ITGA1: variants seen among roughly 807,000 people sequenced by gnomAD.
The protein encoded by ITGA1 is integrin subunit alpha 1.
In ITGA1, 85 loss-of-function variants were observed where a neutral mutation model predicts 145.9. The ratio of observed to expected loss-of-function variants is 0.58; its 90% confidence interval spans 0.49 to 0.70. The LOEUF is 0.70. ITGA1 is among the 30% of genes least tolerant of loss of function. The pLI is 0.00. For synonymous variants in ITGA1, 520 were observed against 495.3 expected, an observed-to-expected ratio of 1.05 and a Z score of -0.66; for missense variants, 1,351 against 1,418.7, an observed-to-expected ratio of 0.95 and a Z score of 0.77.
At chr5:52,834,778 A>T (rs1052540400) in intron 1 of ITGA1, among the ~76,000 whole-genome samples, 3 of 152,106 alleles carry the variant, frequency 2.0e-5, no homozygotes, top group African/African-American at 7.2e-5. Context: ...CAATGGTCCT[A>T]TCAGATTAGG....
chr5:52,794,510 C>T (rs1748302320), intron 1 of ITGA1, among the ~76,000 whole-genome samples: 1 of 150,348 alleles, frequency 6.7e-6, no homozygotes, highest in African/African-American at 2.4e-5. Context: ...TACACACACA[C>T]ACACACACAC....
At chr5:52,804,903 G>A (rs986278818) in intron 1 of ITGA1, among the ~76,000 whole-genome samples, 11 of 152,240 alleles carry the variant, frequency 7.2e-5, no homozygotes, top group African/African-American at 2.6e-4. Context: ...TTTGCTTAGA[G>A]CCAGAACTTA....
chr5:52,827,177 A>G (rs1748982756), intron 1 of ITGA1, among the ~76,000 whole-genome samples: 1 of 150,862 alleles, frequency 6.6e-6, no homozygotes, highest in Non-Finnish European at 1.5e-5. Flanking sequence ...TCCAACCCTC[A>G]TGGATGACTT....
At position 52,831,633 on chromosome 5, in the gene ITGA1, T is replaced by TA. The variant is rs1347609050; in HGVS notation, c.62-17730dup. Among the ~76,000 whole-genome samples the TA allele has an allele frequency of 3.9e-3, 591 of 151,218 alleles. 3 individuals carry two copies. The highest frequency in any genetic ancestry group is 0.014 in the African/African-American group (562 of 41,276). ...CTAAGAATTTTTTCTTTTTTTTTTTTAACCTTAAAGATTAGTTAATTTAAT... is the reference window on the plus strand; with the variant it reads ...CTAAGAATTTTTTCTTTTTTTTTTTTAAACCTTAAAGATTAGTTAATTTAAT... On this transcript the variant is annotated intron_variant, in intron 1 of 28. Coordinates refer to ENST00000282588, the MANE Select transcript of ITGA1 (RefSeq NM_181501.2).
chr5:52,876,877 A>C (rs1449868555), intron 6 of ITGA1, among the ~76,000 whole-genome samples: 1 of 152,164 alleles, frequency 6.6e-6, no homozygotes, highest in Admixed American at 6.5e-5. Flanking sequence ...AGGTAAGAAA[A>C]GTTTTGCAGA....
chr5:52,801,634 T>A, intron 1 of ITGA1: 1 of 1,614,138 alleles, frequency 6.2e-7, no homozygotes, highest in South Asian at 1.1e-5. Context: ...CGATGAGCTC[T>A]TCAGGCATCA....
intron 1 of ITGA1, among the ~76,000 whole-genome samples, chr5:52,813,214 T>G (rs1054872235): frequency 9.9e-5 from 15 of 152,162 alleles, no homozygotes; most frequent in African/African-American, 3.4e-4. Context: ...AACTCATCCC[T>G]GAAACTGGTT....
In ITGA1 at chr5:52,864,971, G is replaced by T; in HGVS notation, c.385G>T (p.Ala129Ser). The T allele has an allele frequency of 6.2e-7, 1 of 1,605,780 alleles. No homozygotes were observed. Among genetic ancestry groups the T allele is most frequent in the Non-Finnish European group, 8.5e-7 (1 of 1,176,752 alleles). Residue 129 changes from alanine to serine, a missense_variant and splice_region_variant, in exon 5 of 29, where the codon GCT (alanine) becomes TCT (serine). Physicochemically the swap from Ala to Ser is moderately conservative, Grantham distance 99. Coordinates refer to ENST00000282588, the MANE Select transcript of ITGA1 (RefSeq NM_181501.2). ...CTAATTTTAAAACAATTTTTTAAAG[G>T]CTTGTGGGCCCTTATATGCCTATAG... ...LVTNPNGGFL[A>S]CGPLYAYRCG...
At chr5:52,889,108 A>ATTTTT (rs71614392) in intron 8 of ITGA1, among the ~76,000 whole-genome samples, 1 of 110,966 alleles carries the variant, frequency 9.0e-6, no homozygotes, top group South Asian at 3.7e-4. Flanking sequence ...ACTACTATCC[A>ATTTTT]TTTTTTTTTT....
Position 52,867,851 on chromosome 5 carries a change from T to G in ITGA1, c.624+2034T>G, listed in dbSNP as rs910343569. Among the ~76,000 whole-genome samples, 7 of 152,000 alleles carry G rather than the reference T, an allele frequency of 4.6e-5. No individual in the cohort carries two copies. The East Asian group carries it at 9.7e-4, about 21-fold the overall frequency. On this transcript the variant is annotated intron_variant, in intron 6 of 28. Coordinates refer to ENST00000282588, the MANE Select transcript of ITGA1 (RefSeq NM_181501.2). ...AATTGTAGCCCAGTTTGCTGTTGTTTTTTTTCTTTCTGAGGGCTCTACTTC... is the reference window on the plus strand; with the variant it reads ...AATTGTAGCCCAGTTTGCTGTTGTTGTTTTTCTTTCTGAGGGCTCTACTTC...
chr5:52,803,237 C>G (rs1456524363), intron 1 of ITGA1: 1 of 152,144 alleles, frequency 6.6e-6, no homozygotes, highest in Non-Finnish European at 1.5e-5. Context: ...TGACACTTCC[C>G]TATACTTTAA....
chr5:52,956,797 A>C lies in ITGA1; in HGVS notation c.*4346A>C, dbSNP rs973221830. Reference sequence around the variant, plus strand: ...AAGTCCTCACATGGATGCTGTATTTATAACTAAAATGTACAGTTTAATTCT... The same window carrying C: ...AAGTCCTCACATGGATGCTGTATTTCTAACTAAAATGTACAGTTTAATTCT... On this transcript the variant is annotated 3_prime_UTR_variant, in exon 29 of 29. Transcript: ENST00000282588. 3.9e-5 allele frequency: 6 copies of C among 152,236 alleles called. No individual in the cohort carries two copies. The highest frequency in any genetic ancestry group is 1.4e-4 in the African/African-American group (6 of 41,460). 9.4% of individuals were successfully genotyped at this position (152,236 alleles called of 1,614,324 possible).
intron 1 of ITGA1, among the ~76,000 whole-genome samples, chr5:52,831,049 CAG>C (rs549177511): frequency 3.7e-4 from 57 of 152,252 alleles, no homozygotes; most frequent in Admixed American, 3.3e-3. Context: ...GCTTTTAACA[CAG>C]AGAGTTTCCA....
chr5:52,939,598 C>T lies in ITGA1; in HGVS notation c.3087C>T (p.Asn1029=), dbSNP rs1751022796. ...PTGLSSSENA[N]CRPHIFEDPF... ...AATATTTTCATTTCTAGAATGCAAACTGCAGACCCCATATCTTTGAGGATC... is the reference window on the plus strand; with the variant it reads ...AATATTTTCATTTCTAGAATGCAAATTGCAGACCCCATATCTTTGAGGATC... The change falls in exon 25 of 29, where the codon AAC becomes AAT. Residue 1029 remains asparagine, a synonymous_variant. Transcript: ENST00000282588. 3.7e-6 allele frequency: 6 copies of T among 1,607,232 alleles called. No homozygotes were observed. In the East Asian group the frequency reaches 1.3e-4, roughly 36 times the overall value.
At chr5:52,858,873 AT>A (rs1218749328) in intron 2 of ITGA1, among the ~76,000 whole-genome samples, 12 of 152,248 alleles carry the variant, frequency 7.9e-5, no homozygotes, top group Admixed American at 5.9e-4. Context: ...TAACTTATTT[AT>A]TTTTTTGATG....
At chr5:52,800,517 C>A (rs1748448430) in intron 1 of ITGA1, 3 of 1,614,122 alleles carry the variant, frequency 1.9e-6, no homozygotes, top group Non-Finnish European at 2.5e-6. Context: ...GCCTGCGCGC[C>A]TCCACCATCC....
chr5:52,889,020 G>T (rs143464108), intron 8 of ITGA1, among the ~76,000 whole-genome samples: 1 of 152,318 alleles, frequency 6.6e-6, no homozygotes, highest in African/African-American at 2.4e-5. Context: ...ACATTCAAAA[G>T]CCACTGCACT....
At chr5:52,940,621 C>T (rs545537626) in intron 26 of ITGA1, among the ~76,000 whole-genome samples, 223 of 151,994 alleles carry the variant, frequency 1.5e-3, no homozygotes, top group African/African-American at 5.2e-3. Flanking sequence ...TTTTTAACCC[C>T]TTATAAAGCC....
chr5:52,849,616 G>C, intron 2 of ITGA1, 131 bp downstream of exon 2: 3 of 819,076 alleles, frequency 3.7e-6, no homozygotes, highest in Non-Finnish European at 1.7e-6. Context: ...ATGCAGTCTA[G>C]TCATTTGGCA....
Sources: gnomAD v4.1 joint callset for allele counts (sites outside exome capture counted in the v4.1 genomes callset) on GRCh38, gnomAD v4.1.1 for gene constraint, MANE v1.5 for transcripts, NCBI Gene and HGNC (gene_info 2026-07-23, HGNC 2026-07-21) for gene names.